The following PRR33 variants were observed in gnomAD, a reference collection of about 807,000 sequenced individuals.
The protein encoded by PRR33 is proline-rich protein 33.
PRR33 carries 1 observed loss-of-function variant against 0.5 expected under a neutral mutation model. The observed-to-expected ratio is 2.18, with a 90% CI of 0.77 to 10.34. The LOEUF is 10.34. PRR33 is among the 30% of genes most tolerant of loss of function. The pLI, the probability that PRR33 is intolerant of heterozygous loss-of-function variation, is 0.13. For missense variants in PRR33, 552 were observed against 251.8 expected, an observed-to-expected ratio of 2.19 and a Z score of -8.07; for synonymous variants, 226 against 110.0, an observed-to-expected ratio of 2.06 and a Z score of -6.60.
At chr11:1,896,375 G>T (rs1424041895), upstream of PRR33, among the ~76,000 whole-genome samples, 1 of 152,182 alleles carries the variant, frequency 6.6e-6, no homozygotes, top group Non-Finnish European at 1.5e-5. Context: ...TCTTTTGTCA[G>T]ATTGACCTCT....
rs541104423 is a variant in PRR33, at chr11:1,890,882, C to A, written c.-298G>T. On this transcript the variant is annotated 5_prime_UTR_variant, in exon 1 of 1. Transcript: ENST00000640310. ...GGCTCTGTCCTCCATGCCACCCCAG[C>A]ACAAAGCAGGCCCCAAGTACACAGC... 1.2e-5 allele frequency: 5 copies of A among 422,646 alleles called. No individual in the cohort carries two copies. The South Asian group carries it at 1.5e-4, about 13-fold the overall frequency. The allele number at this position is 422,646 out of a possible 1,614,324, so 26.2% of individuals were successfully genotyped here. A position where few individuals can be genotyped will look rare whatever the true frequency, so the allele number is the denominator to read the frequency against.
upstream of PRR33, chr11:1,892,014 T>A (rs1849021809): frequency 7.1e-6 from 1 of 140,994 alleles, no homozygotes; most frequent in Non-Finnish European, 1.5e-5. Flanking sequence ...TTCTTGTTAC[T>A]TGGGGGAGGA....
the PRR33 span, among the ~76,000 whole-genome samples, chr11:1,900,892 G>A: frequency 6.6e-6 from 1 of 152,180 alleles, no homozygotes; most frequent in Non-Finnish European, 1.5e-5. Flanking sequence ...GGGGCCCTTA[G>A]TAGCTCTCTC....
At chr11:1,904,762 G>C in the PRR33 span, among the ~76,000 whole-genome samples, 1 of 151,654 alleles carries the variant, frequency 6.6e-6, no homozygotes, top group Non-Finnish European at 1.5e-5. Context: ...ACCCACCTCA[G>C]CCTCCCAAAG....
chr11:1,906,385 G>A, the PRR33 span, among the ~76,000 whole-genome samples: 24 of 152,184 alleles, frequency 1.6e-4, no homozygotes, highest in East Asian at 3.3e-3. Flanking sequence ...TAGCTTTAAC[G>A]TCCCACAGTT....
At chr11:1,895,495 G>A (rs1849114406), upstream of PRR33, among the ~76,000 whole-genome samples, 1 of 152,130 alleles carries the variant, frequency 6.6e-6, no homozygotes, top group African/African-American at 2.4e-5. Flanking sequence ...CTCCTGGTTG[G>A]TGGCCTTGTC....
chr11:1,903,648 CTG>C, the PRR33 span, among the ~76,000 whole-genome samples: 1 of 152,200 alleles, frequency 6.6e-6, no homozygotes, highest in African/African-American at 2.4e-5. Context: ...GCCACCATTT[CTG>C]TAAACATCTG....
chr11:1,895,966 C>A (rs1849120242), upstream of PRR33, among the ~76,000 whole-genome samples: 1 of 152,166 alleles, frequency 6.6e-6, no homozygotes, highest in African/African-American at 2.4e-5. Flanking sequence ...AGAGATTGCA[C>A]CACTGCACTC....
chr11:1,895,375 C>T (rs184232349), upstream of PRR33, among the ~76,000 whole-genome samples: 32 of 152,234 alleles, frequency 2.1e-4, no homozygotes, highest in East Asian at 3.1e-3. Flanking sequence ...TCAAGTGATC[C>T]GCCTGCCTTA....
the PRR33 span, among the ~76,000 whole-genome samples, chr11:1,898,335 A>G: frequency 1.7e-4 from 26 of 151,936 alleles, no homozygotes; most frequent in Admixed American, 1.7e-3. Flanking sequence ...TCCTGGGTTC[A>G]AGCGATTCTC....
upstream of PRR33, among the ~76,000 whole-genome samples, chr11:1,894,263 C>T (rs1005441407): frequency 6.7e-6 from 1 of 149,448 alleles, no homozygotes; most frequent in African/African-American, 2.5e-5. Flanking sequence ...GTCAGAGCCT[C>T]ACTCTGTTTC....
At chr11:1,890,533 G>A in the PRR33 span, 1 of 715,284 alleles carries the variant, frequency 1.4e-6, no homozygotes, top group Non-Finnish European at 2.6e-6. Context: ...GGGGTTCCCT[G>A]GAGGCTTGGG....
the PRR33 span, among the ~76,000 whole-genome samples, chr11:1,906,362 G>T: frequency 2.0e-4 from 30 of 152,108 alleles, no homozygotes; most frequent in African/African-American, 6.5e-4. Context: ...GGTTGACTTG[G>T]GTTTTTAGTT....
chr11:1,893,365 A>G (rs1157157827), upstream of PRR33, among the ~76,000 whole-genome samples: 1 of 148,154 alleles, frequency 6.7e-6, no homozygotes, highest in Admixed American at 6.7e-5. Flanking sequence ...GGGTGGATGG[A>G]TGGACTAATG....
upstream of PRR33, among the ~76,000 whole-genome samples, chr11:1,895,209 T>A (rs187907378): frequency 2.0e-5 from 3 of 152,230 alleles, no homozygotes; most frequent in Admixed American, 6.5e-5. Context: ...CTTGGCCCAC[T>A]GCAACCTCCG....
the PRR33 span, among the ~76,000 whole-genome samples, chr11:1,901,832 A>G: frequency 3.3e-5 from 5 of 152,246 alleles, no homozygotes; most frequent in African/African-American, 7.2e-5. Flanking sequence ...GCAAATGGAA[A>G]TGTCTTGTGG....
At chr11:1,890,707 T>C (rs1396803134) in exon 1 of PRR33, 3 of 609,920 alleles carry the variant, frequency 4.9e-6, no homozygotes, top group Non-Finnish European at 8.8e-6. Flanking sequence ...GCCTGAGTAT[T>C]CTGCTTCCTG....
upstream of PRR33, among the ~76,000 whole-genome samples, chr11:1,896,298 A>G (rs1849123847): frequency 6.6e-6 from 1 of 152,116 alleles, no homozygotes; most frequent in African/African-American, 2.4e-5. Flanking sequence ...GGATGTCCCT[A>G]TTTATTCAGG....
chr11:1,905,228 G>T, the PRR33 span, among the ~76,000 whole-genome samples: 1,321 of 138,006 alleles, frequency 9.6e-3, 13 homozygotes, highest in Middle Eastern at 0.014. Context: ...CCAGGTTCAA[G>T]TAATTCTCCC....
Sources: allele counts gnomAD v4.1 joint callset (sites outside exome capture counted in the v4.1 genomes callset), GRCh38; gene constraint gnomAD v4.1.1; transcripts MANE v1.5; gene names NCBI Gene and HGNC (gene_info 2026-07-23, HGNC 2026-07-21).